Variants in POLGARF observed in about 807,000 individuals in gnomAD.
POLGARF encodes the protein POLG alternative reading frame.
At chr15:89,330,311 G>C in the POLGARF span, 1 of 1,548,290 alleles carries the variant, frequency 6.5e-7, no homozygotes, top group African/African-American at 1.4e-5. Flanking sequence ...GTTCACCATG[G>C]AGACATTAAA....
chr15:89,333,379 G>A, the POLGARF span: 4 of 1,581,382 alleles, frequency 2.5e-6, no homozygotes, highest in African/African-American at 2.7e-5. Context: ...GGCGGCAGGC[G>A]CAGCTCCACG....
chr15:89,333,222 T>C, the POLGARF span: 2 of 1,580,658 alleles, frequency 1.3e-6, no homozygotes, highest in Non-Finnish European at 1.7e-6. Context: ...CTCGGGGCCG[T>C]ACCGGGTCCA....
the POLGARF span, chr15:89,333,071 T>G: frequency 6.6e-7 from 1 of 1,503,806 alleles, no homozygotes; most frequent in Non-Finnish European, 8.9e-7. Flanking sequence ...TGCCTGCTTA[T>G]GTCCCCAACC....
chr15:89,333,021 G>A, the POLGARF span: 14 of 1,488,174 alleles, frequency 9.4e-6, no homozygotes, highest in South Asian at 1.5e-5. Context: ...CAGGACCTCA[G>A]AAAATGTTCA....
At chr15:89,333,631 G>T in the POLGARF span, 2 of 1,594,256 alleles carry the variant, frequency 1.3e-6, no homozygotes, top group Non-Finnish European at 1.7e-6. Context: ...TGCTGCTGCC[G>T]CCGCCGCTGC....
chr15:89,333,538 G>A, the POLGARF span: 1 of 1,612,796 alleles, frequency 6.2e-7, no homozygotes, highest in Non-Finnish European at 8.5e-7. Context: ...ATGTCCAATG[G>A]GTTGTGCCGC....
chr15:89,332,609 G>A, the POLGARF span, among the ~76,000 whole-genome samples: 42 of 150,156 alleles, frequency 2.8e-4, no homozygotes, highest in Non-Finnish European at 4.9e-4. Context: ...CGGGGGCAGG[G>A]GGGCGGGGGG....
the POLGARF span, chr15:89,333,699 A>G: frequency 1.0e-5 from 16 of 1,540,786 alleles, no homozygotes; most frequent in South Asian, 1.6e-4. Flanking sequence ...CGGAGCTGGA[A>G]CCGGCCCTGG....
the POLGARF span, among the ~76,000 whole-genome samples, chr15:89,332,668 T>C: frequency 6.6e-6 from 1 of 152,074 alleles, no homozygotes; most frequent in Non-Finnish European, 1.5e-5. Context: ...AAATGTCCTA[T>C]ACTGCCTGGG....
chr15:89,333,061 T>C, the POLGARF span: 1 of 1,503,240 alleles, frequency 6.7e-7, no homozygotes, highest in East Asian at 2.3e-5. Flanking sequence ...TGGGCCCCCA[T>C]GCCTGCTTAT....
At chr15:89,331,251 TCATACTC>T in the POLGARF span, among the ~76,000 whole-genome samples, 2 of 152,118 alleles carry the variant, frequency 1.3e-5, no homozygotes, top group Admixed American at 6.5e-5. Flanking sequence ...AAAATCGAAC[TCATACTC>T]CAAATGGTGA....
the POLGARF span, among the ~76,000 whole-genome samples, chr15:89,332,809 C>G: frequency 6.6e-6 from 1 of 152,144 alleles, no homozygotes; most frequent in Admixed American, 6.5e-5. Context: ...GGCACCAAAT[C>G]ACCGTGATCT....
At chr15:89,330,226 C>T in the POLGARF span, 1 of 1,613,368 alleles carries the variant, frequency 6.2e-7, no homozygotes, top group Non-Finnish European at 8.5e-7. Flanking sequence ...CGACAGCTGG[C>T]TGGTCCAAGA....
At chr15:89,331,869 C>A in the POLGARF span, among the ~76,000 whole-genome samples, 4 of 151,738 alleles carry the variant, frequency 2.6e-5, no homozygotes, top group African/African-American at 9.7e-5. Flanking sequence ...AAGCAATGCC[C>A]CGAGTACCAC....
chr15:89,333,069 T>G, the POLGARF span: 2 of 1,504,274 alleles, frequency 1.3e-6, no homozygotes, highest in Non-Finnish European at 1.8e-6. Flanking sequence ...CATGCCTGCT[T>G]ATGTCCCCAA....
the POLGARF span, among the ~76,000 whole-genome samples, chr15:89,332,918 T>G: frequency 6.6e-6 from 1 of 152,218 alleles, no homozygotes; most frequent in Admixed American, 6.5e-5. Context: ...TTACTGCCTG[T>G]GATCTTCCCA....
At chr15:89,333,048 A>C in the POLGARF span, 1 of 1,499,628 alleles carries the variant, frequency 6.7e-7, no homozygotes. Flanking sequence ...CAAACTATTA[A>C]GCTGGGCCCC....
At chr15:89,333,446 G>A in the POLGARF span, 6 of 1,610,116 alleles carry the variant, frequency 3.7e-6, no homozygotes, top group East Asian at 2.2e-5. Flanking sequence ...GGTGCTCGAC[G>A]CTGCGGCGCA....
At chr15:89,333,741 A>G in the POLGARF span, 1 of 1,535,390 alleles carries the variant, frequency 6.5e-7, no homozygotes, top group East Asian at 2.4e-5. Context: ...CTTCCTCCAG[A>G]GCAGGCGGCT....
Sources: gnomAD v4.1 joint callset for allele counts (sites outside exome capture counted in the v4.1 genomes callset) on GRCh38, gnomAD v4.1.1 for gene constraint, MANE v1.5 for transcripts, NCBI Gene and HGNC (gene_info 2026-07-23, HGNC 2026-07-21) for gene names.